The following DMD variants were observed in gnomAD, a reference collection of about 807,000 sequenced individuals.
DMD encodes the protein dystrophin, also known as mutant dystrophin.
In DMD, 63 loss-of-function variants were observed where a neutral mutation model predicts 330.1. The observed-to-expected ratio is 0.19, with a 90% CI of 0.16 to 0.24. The LOEUF (loss-of-function observed/expected upper bound fraction) is 0.24. Ranked by LOEUF, DMD falls within the 10% of genes least tolerant of loss-of-function variation. DMD has a pLI of 1.00. For synonymous variants in DMD, 1,223 were observed against 959.8 expected, an observed-to-expected ratio of 1.27 and a Z score of -5.07; for missense variants, 3,344 against 2,684.1, an observed-to-expected ratio of 1.25 and a Z score of -5.43.
At chrX:32,265,306 A>G (rs1345913015) in intron 43 of DMD, among the ~76,000 whole-genome samples, 1 of 112,820 alleles carries the variant, frequency 8.9e-6, no homozygotes, top group Non-Finnish European at 1.9e-5. Context: ...GGCAGCTTCC[A>G]TGTGGTGTTG....
chrX:32,250,986 A>G (rs6628692), intron 43 of DMD, among the ~76,000 whole-genome samples: 7,599 of 109,242 alleles, frequency 0.07, 559 homozygotes, highest in East Asian at 0.46. Flanking sequence ...GTGGGAGTGG[A>G]ACAGTGAGAA....
chrX:32,408,696 G>A lies in DMD; in HGVS notation c.4233+3056C>T, dbSNP rs945498700. Reference sequence around the variant, plus strand: ...TTCATACATTTTTTCCTGCTTCTCCGTGATGAATTAAGCTAAATATACCAT... The same window carrying A: ...TTCATACATTTTTTCCTGCTTCTCCATGATGAATTAAGCTAAATATACCAT... On this transcript the variant is annotated intron_variant, in intron 30 of 78. Transcript: ENST00000357033. 6.3e-5 allele frequency among the ~76,000 whole-genome samples: 7 copies of A among 111,500 alleles called. No individual in the cohort carries two copies. In the South Asian group the frequency reaches 1.9e-3, roughly 30 times the overall value.
intron 44 of DMD, among the ~76,000 whole-genome samples, chrX:31,977,769 G>C (rs1335843849): frequency 1.0e-5 from 1 of 100,052 alleles, no homozygotes; most frequent in Non-Finnish European, 2.0e-5. Context: ...TTGTTGACTG[G>C]GCACGCCCTC....
At chrX:32,737,675 A>T (rs188421877) in intron 7 of DMD, among the ~76,000 whole-genome samples, 1 of 111,852 alleles carries the variant, frequency 8.9e-6, no homozygotes, top group African/African-American at 3.2e-5. Flanking sequence ...TGCTTCACTA[A>T]ATCAGTTGAT....
chrX:31,787,697 G>A (rs1482112731), intron 50 of DMD, among the ~76,000 whole-genome samples: 2 of 112,028 alleles, frequency 1.8e-5, no homozygotes, highest in Admixed American at 9.5e-5. Context: ...TGACTGTATT[G>A]AACTAAACTT....
At chrX:31,503,908 T>C (rs1603275364) in intron 56 of DMD, among the ~76,000 whole-genome samples, 1 of 111,148 alleles carries the variant, frequency 9.0e-6, no homozygotes, top group East Asian at 2.8e-4. Flanking sequence ...AAGGACTTAT[T>C]AGGCACAGTT....
intron 13 of DMD, among the ~76,000 whole-genome samples, chrX:32,575,264 T>A (rs1270509744): frequency 1.8e-5 from 2 of 109,766 alleles, no homozygotes; most frequent in African/African-American, 6.6e-5. Flanking sequence ...TATCACCACT[T>A]AAAAAAAAAT....
intron 1 of DMD, among the ~76,000 whole-genome samples, chrX:33,103,490 T>A (rs1480463919): frequency 9.0e-6 from 1 of 111,163 alleles, no homozygotes; most frequent in Non-Finnish European, 1.9e-5. Context: ...TGGCTCATCC[T>A]GGCTCAAAAA....
chrX:32,482,609 A>T (rs766923750), intron 21 of DMD, among the ~76,000 whole-genome samples: 4 of 111,543 alleles, frequency 3.6e-5, no homozygotes, highest in African/African-American at 1.3e-4. Flanking sequence ...GTTGTTATGG[A>T]CATTCGTGTA....
chrX:31,959,551 A>G (rs979408514), intron 45 of DMD, among the ~76,000 whole-genome samples: 14 of 111,742 alleles, frequency 1.3e-4, no homozygotes, highest in Admixed American at 9.5e-5. Context: ...TTCCTGGAGT[A>G]AAAGCCCACA....
At chrX:31,685,479 C>T (rs186053859) in intron 52 of DMD, among the ~76,000 whole-genome samples, 21 of 112,321 alleles carry the variant, frequency 1.9e-4, no homozygotes, top group South Asian at 3.7e-4. Context: ...TTTCTCTCAC[C>T]GTGGTTCTCC....
intron 48 of DMD, among the ~76,000 whole-genome samples, chrX:31,853,299 T>C (rs760158180): frequency 4.4e-5 from 5 of 112,900 alleles, no homozygotes; most frequent in African/African-American, 1.3e-4. Flanking sequence ...GGCATGAAAG[T>C]AGTCAGGTCT....
intron 56 of DMD, 39 bp downstream of exon 56, chrX:31,507,242 A>C: frequency 6.3e-5 from 73 of 1,151,144 alleles, no homozygotes; most frequent in Non-Finnish European, 7.7e-5. Flanking sequence ...TGGCCATTTT[A>C]ATTCATTTGT....
intron 17 of DMD, among the ~76,000 whole-genome samples, chrX:32,536,509 C>A (rs780353128): frequency 2.7e-5 from 3 of 111,697 alleles, no homozygotes; most frequent in Non-Finnish European, 3.8e-5. Flanking sequence ...TAGGGCAGTG[C>A]GGAACAAAGT....
chrX:32,996,225 A>C (rs2093115956), intron 2 of DMD, among the ~76,000 whole-genome samples: 1 of 111,715 alleles, frequency 9.0e-6, no homozygotes, highest in South Asian at 3.7e-4. Context: ...TGGTGCCACA[A>C]AATACAAATT....
At chrX:32,017,694 G>C (rs2095774486) in intron 44 of DMD, among the ~76,000 whole-genome samples, 1 of 111,838 alleles carries the variant, frequency 8.9e-6, no homozygotes, top group South Asian at 3.8e-4. Flanking sequence ...GATGAAGCAA[G>C]AGTACAACAA....
At chrX:32,875,920 G>A (rs752916007) in intron 2 of DMD, among the ~76,000 whole-genome samples, 47 of 111,235 alleles carry the variant, frequency 4.2e-4, no homozygotes, top group Non-Finnish European at 7.4e-4. Flanking sequence ...TCCTTTTGCC[G>A]TATCATCTGC....
intron 44 of DMD, among the ~76,000 whole-genome samples, chrX:32,212,438 T>C (rs1167104335): frequency 1.8e-5 from 2 of 111,852 alleles, no homozygotes; most frequent in Non-Finnish European, 3.8e-5. Context: ...CAAAATGCTA[T>C]TCCAAGTGGC....
At chrX:32,296,750 A>T (rs189582460) in intron 42 of DMD, among the ~76,000 whole-genome samples, 122 of 112,238 alleles carry the variant, frequency 1.1e-3, no homozygotes, top group African/African-American at 3.6e-3. Context: ...AAATGAAATA[A>T]AATTTCAAAT....
Sources: allele counts gnomAD v4.1 joint callset (sites outside exome capture counted in the v4.1 genomes callset), GRCh38; gene constraint gnomAD v4.1.1; transcripts MANE v1.5; gene names NCBI Gene and HGNC (gene_info 2026-07-23, HGNC 2026-07-21).